ABCA10: variants seen among roughly 807,000 people sequenced by gnomAD.
ABCA10 encodes the protein ATP binding cassette subfamily A member 10.
Under a neutral mutation model 187.5 loss-of-function variants are expected in ABCA10, and 169 were observed. The observed-to-expected ratio is 0.90, with a 90% CI of 0.80 to 1.02. The LOEUF (loss-of-function observed/expected upper bound fraction) is 1.02. Among genes scored for constraint, ABCA10 ranks in the 50% least tolerant of loss-of-function variants. The probability of loss-of-function intolerance (pLI) is 0.00; values close to 1 mark genes in which losing one functional copy is unlikely to be tolerated. For synonymous variants in ABCA10, 574 were observed against 601.8 expected (o/e 0.95, Z 0.68); for missense variants, 1,727 against 1,812.4 (o/e 0.95, Z 0.86).
chr17:69,191,053 T>G (rs2074455889), intron 17 of ABCA10, 123 bp downstream of exon 17: 1 of 982,240 alleles, frequency 1.0e-6, no homozygotes, highest in East Asian at 3.2e-5. Flanking sequence ...AGGAACAGAT[T>G]ACTTATGAAT....
intron 3 of ABCA10, among the ~76,000 whole-genome samples, chr17:69,225,114 T>C (rs73361959): frequency 0.017 from 2,101 of 126,828 alleles, 46 homozygotes; most frequent in African/African-American, 0.049. Flanking sequence ...TGCATATCAT[T>C]AAAAACAAAC....
intron 25 of ABCA10, among the ~76,000 whole-genome samples, chr17:69,168,583 TTAAA>T (rs2074271978): frequency 6.6e-6 from 1 of 152,202 alleles, no homozygotes; most frequent in Non-Finnish European, 1.5e-5. Context: ...AAACACTTTG[TTAAA>T]TAGTTACTGT....
intron 9 of ABCA10, among the ~76,000 whole-genome samples, chr17:69,207,823 G>C (rs919719536): frequency 6.6e-6 from 1 of 152,134 alleles, no homozygotes. Context: ...CAAAGTTTTA[G>C]TTAGATAGGA....
intron 27 of ABCA10, 36 bp from the exon 28 acceptor site, chr17:69,156,959 C>A: frequency 7.7e-7 from 1 of 1,299,810 alleles, no homozygotes; most frequent in African/African-American, 1.5e-5. Context: ...ATTAGCATCA[C>A]CATGGCATTC....
At chr17:69,164,247 TGGG>T in intron 26 of ABCA10, 93 bp from the exon 27 acceptor site, 1 of 1,006,402 alleles carries the variant, frequency 9.9e-7, no homozygotes, top group Non-Finnish European at 1.4e-6. Context: ...TGATGTTCTA[TGGG>T]ACAACAGTAA....
rs752148164 is a variant in ABCA10, at chr17:69,155,783, G to T, written c.3576+22C>A. 39 of 1,605,466 alleles carry T rather than the reference G, an allele frequency of 2.4e-5. No individual in the cohort carries two copies. The East Asian group carries it at 8.5e-4, about 35-fold the overall frequency. On this transcript the variant is annotated intron_variant, in intron 29 of 38. Coordinates refer to ENST00000690296, the MANE Select transcript of ABCA10 (RefSeq NM_001377321.1). ...ACAAACTATCTGAGCATTTTATTAAGGGTCTAATCCCTGCTGTTCACCTCC... is the reference window on the plus strand; with the variant it reads ...ACAAACTATCTGAGCATTTTATTAATGGTCTAATCCCTGCTGTTCACCTCC...
chr17:69,210,170 C>CTTTTTTTTTTTTT (rs1160992125), intron 9 of ABCA10, among the ~76,000 whole-genome samples: 6 of 70,872 alleles, frequency 8.5e-5, no homozygotes, highest in African/African-American at 2.0e-4. Context: ...GTGGTTATTT[C>CTTTTTTTTTTTTT]TTTTTTTTTT....
At position 69,215,971 on chromosome 17, in the gene ABCA10, T is replaced by G; in HGVS notation, c.702A>C (p.Leu234Phe). 1 of 1,613,176 alleles carries G rather than the reference T, an allele frequency of 6.2e-7. No individual in the cohort carries two copies. Residue 234 changes from leucine (L) to phenylalanine (F), a missense_variant, in exon 8 of 39, where the codon TTA becomes TTC. Physicochemically the swap from Leu to Phe is conservative, Grantham distance 22. Transcript: ENST00000690296. ...LIALAFLMSV[L>F]IRKPMLAGLA... ...AACCAGCGAGCATAGGTTTCCTTAT[T>G]AAAACACTCATGAGGAAAGCCAATG...
At position 69,164,956 on chromosome 17, in the gene ABCA10, C is replaced by G. The variant is rs1175433600; in HGVS notation, c.3282+8G>C. 3.7e-6 allele frequency: 6 copies of G among 1,612,638 alleles called. No individual in the cohort carries two copies. In the South Asian group the frequency reaches 6.6e-5, roughly 18 times the overall value. ...AAGACTGGAGACACAGTAGGTAACACTGCTTACCTGGATCAATAACATGAC... is the reference window on the plus strand; with the variant it reads ...AAGACTGGAGACACAGTAGGTAACAGTGCTTACCTGGATCAATAACATGAC... On this transcript the variant is annotated splice_region_variant and intron_variant, in intron 26 of 38. Transcript: ENST00000690296.
chr17:69,214,908 A>C, intron 8 of ABCA10, 57 bp from the exon 9 acceptor site: 1 of 1,296,196 alleles, frequency 7.7e-7, no homozygotes, highest in South Asian at 1.6e-5. Flanking sequence ...TAAATAAAAC[A>C]ATTTTTTTTA....
At position 69,214,904 on chromosome 17, in the gene ABCA10, A is replaced by G. The variant is rs1047835983; in HGVS notation, c.859-53T>C. 2.2e-6 allele frequency: 3 copies of G among 1,349,320 alleles called. No homozygotes were observed. The South Asian group carries it at 4.7e-5, about 21-fold the overall frequency. The allele number at this position is 1,349,320 out of a possible 1,614,324, so 83.6% of individuals were successfully genotyped here. A position where few individuals can be genotyped will look rare whatever the true frequency, so the allele number is the denominator to read the frequency against. ...TTAGATGAACTTATAAAACTAAATA[A>G]AACAATTTTTTTTAAAAAATAGTGG... On this transcript the variant is annotated intron_variant, in intron 8 of 38. Transcript: ENST00000690296.
intron 11 of ABCA10, among the ~76,000 whole-genome samples, chr17:69,196,059 C>T (rs2074498036): frequency 6.6e-6 from 1 of 152,230 alleles, no homozygotes; most frequent in Non-Finnish European, 1.5e-5. Flanking sequence ...GGCCCGTTCT[C>T]AATGAGCTGC....
chr17:69,165,332 C>CA lies in ABCA10; in HGVS notation c.3163-250dup, dbSNP rs373401181. 9.0e-3 allele frequency among the ~76,000 whole-genome samples: 1,375 copies of CA among 152,156 alleles called. 15 individuals carry two copies. Among genetic ancestry groups the CA allele is most frequent in the African/African-American group, 0.03 (1,263 of 41,518 alleles). ...AATACCCAGTAGGGATAAACAGCAA[C>CA]AATAAAAGAAGGTGATGTAACATTA... On this transcript the variant is annotated intron_variant, in intron 25 of 38. Transcript: ENST00000690296.
chr17:69,193,307 G>C, intron 14 of ABCA10, 59 bp from the exon 15 acceptor site: 1 of 1,581,668 alleles, frequency 6.3e-7, no homozygotes, highest in Non-Finnish European at 8.6e-7. Flanking sequence ...TCTTCAGAAA[G>C]CACCATGAAA....
chr17:69,174,824 G>T lies in ABCA10; in HGVS notation c.2878-47C>A, dbSNP rs373455360. ...AGAGGAAGGGATCTTAGTTTGAAAA[G>T]ATTTTGTGGTTATGTAAAAAAAATT... is the stretch of plus-strand genomic sequence containing the variant. On this transcript the variant is annotated intron_variant, in intron 23 of 38. Coordinates refer to ENST00000690296, the MANE Select transcript of ABCA10 (RefSeq NM_001377321.1). 19 of 1,439,310 alleles carry T rather than the reference G, an allele frequency of 1.3e-5. No homozygotes were observed. In the African/African-American group the frequency reaches 2.6e-4, roughly 20 times the overall value. 89.2% of individuals were successfully genotyped at this position (1,439,310 alleles called of 1,614,324 possible).
chr17:69,222,627 C>G lies in ABCA10; in HGVS notation c.105G>C (p.Met35Ile), dbSNP rs745896096. The G allele has an allele frequency of 6.2e-7, 1 of 1,601,724 alleles. No homozygotes were observed. The highest frequency in any genetic ancestry group is 1.3e-5 in the African/African-American group (1 of 74,104). ...DIELPKKYHE[M>I]VGVIFSDTFS... ...AAGTATCACTAAATATAACTCCCAC[C>G]ATTTCATGGTATTTTTTTGGAAGTT... The change falls in exon 4 of 39, where the codon ATG becomes ATC. Residue 35 changes from methionine (M) to isoleucine (I), a missense_variant. By Grantham distance (10) the Met-to-Ile change is conservative (BLOSUM62 1). Coordinates refer to ENST00000690296, the MANE Select transcript of ABCA10 (RefSeq NM_001377321.1).
rs766423195 is a variant in ABCA10 at position 69,152,086 on chromosome 17, T to C, written c.4354A>G (p.Thr1452Ala). Reference sequence around the variant, plus strand: ...TGTGGGAAAAGCTTCAAAATCTCTGTGTGGAGAGCTTCCACCTGGGTAGGT... The same window carrying C: ...TGTGGGAAAAGCTTCAAAATCTCTGCGTGGAGAGCTTCCACCTGGGTAGGT... ...KEPTQVEALH[T>A]EILKLFPQAA... Residue 1452 changes from threonine to alanine, a missense_variant, in exon 36 of 39, where the codon ACA (threonine) becomes GCA (alanine). Thr to Ala is a moderately conservative substitution (Grantham distance 58). Coordinates refer to ENST00000690296, the MANE Select transcript of ABCA10 (RefSeq NM_001377321.1). 12 of 1,613,320 alleles carry C rather than the reference T, an allele frequency of 7.4e-6. No individual in the cohort carries two copies. In the South Asian group the frequency reaches 1.3e-4, roughly 18 times the overall value.
At chr17:69,201,288 T>C (rs973700488) in intron 10 of ABCA10, among the ~76,000 whole-genome samples, 2 of 152,104 alleles carry the variant, frequency 1.3e-5, no homozygotes, top group Non-Finnish European at 2.9e-5. Flanking sequence ...AGACAGAAGA[T>C]GAGAGGCAAG....
At chr17:69,195,801 G>A (rs967662944) in intron 11 of ABCA10, among the ~76,000 whole-genome samples, 6 of 151,828 alleles carry the variant, frequency 4.0e-5, no homozygotes, top group African/African-American at 1.2e-4. Flanking sequence ...GTTTAACAAA[G>A]CACATCTTGC....
Sources: allele counts gnomAD v4.1 joint callset (sites outside exome capture counted in the v4.1 genomes callset), GRCh38; gene constraint gnomAD v4.1.1; transcripts MANE v1.5; gene names NCBI Gene and HGNC (gene_info 2026-07-23, HGNC 2026-07-21).